ASIC2: variants seen among roughly 807,000 people sequenced by gnomAD.
ASIC2 encodes the protein acid sensing ion channel subunit 2.
Under a neutral mutation model 57.3 loss-of-function variants are expected in ASIC2, and 25 were observed. The observed-to-expected ratio is 0.44, with a 90% confidence interval of 0.32 to 0.61. The LOEUF (loss-of-function observed/expected upper bound fraction) is 0.61, where lower values mean the gene tolerates loss of function less well. ASIC2 is among the 20% of genes least tolerant of loss of function. The pLI, the probability that ASIC2 is intolerant of heterozygous loss-of-function variation, is 0.06. For missense variants in ASIC2, 641 were observed against 738.1 expected (o/e 0.87, Z 1.52); for synonymous variants, 319 against 307.5 (o/e 1.04, Z -0.39).
intron 1 of ASIC2, among the ~76,000 whole-genome samples, chr17:33,541,062 T>C (rs868105883): frequency 1.3e-5 from 2 of 148,316 alleles, no homozygotes; most frequent in East Asian, 3.9e-4. Context: ...GGCATGTTGT[T>C]TTTTTTTCTT....
At chr17:33,527,407 C>G (rs1313806953) in intron 1 of ASIC2, among the ~76,000 whole-genome samples, 1 of 151,962 alleles carries the variant, frequency 6.6e-6, no homozygotes, top group African/African-American at 2.4e-5. Context: ...TTGCTCGAAG[C>G]CTAATCAACT....
At chr17:33,262,975 A>C (rs573348019) in intron 1 of ASIC2, among the ~76,000 whole-genome samples, 1 of 152,278 alleles carries the variant, frequency 6.6e-6, no homozygotes, top group South Asian at 2.1e-4. Context: ...CTAATGCAAA[A>C]AGATGCGAGA....
rs73274998 is a variant in ASIC2 at position 33,568,913 on chromosome 17, T to C, written c.556-456846A>G. 2.6e-3 allele frequency among the ~76,000 whole-genome samples: 402 copies of C among 152,296 alleles called. 5 individuals are homozygous for C. Among genetic ancestry groups the C allele is most frequent in the African/African-American group, 9.4e-3 (392 of 41,570 alleles). On this transcript the variant is annotated intron_variant, in intron 1 of 9. Coordinates refer to the ASIC2 transcript ENST00000359872. ...CAGCCTGTAGGCATAAAATAGTCAA[T>C]GGGAGCTTGATTTATATCACGAAAG...
chr17:33,186,405 CT>C (rs1359847867), intron 1 of ASIC2, among the ~76,000 whole-genome samples: 6 of 152,202 alleles, frequency 3.9e-5, no homozygotes, highest in Non-Finnish European at 7.3e-5. Flanking sequence ...ACCACCACCC[CT>C]GGCCTTATAC....
chr17:33,248,576 GA>G (rs1182969130), intron 1 of ASIC2, among the ~76,000 whole-genome samples: 1 of 152,218 alleles, frequency 6.6e-6, no homozygotes, highest in Non-Finnish European at 1.5e-5. Context: ...CACAGATCCA[GA>G]ATTTGTTTCA....
At chr17:33,331,963 C>G (rs113188777) in intron 1 of ASIC2, among the ~76,000 whole-genome samples, 1 of 152,228 alleles carries the variant, frequency 6.6e-6, no homozygotes, top group African/African-American at 2.4e-5. Context: ...TCATACCCTT[C>G]CCTGGACCAA....
At chr17:33,237,357 T>TC in intron 1 of ASIC2, among the ~76,000 whole-genome samples, 1 of 152,064 alleles carries the variant, frequency 6.6e-6, no homozygotes, top group South Asian at 2.1e-4. Context: ...TAGTAGTTTT[T>TC]TTTTTTTTTT....
chr17:33,640,588 G>T (rs1906530516), intron 1 of ASIC2, among the ~76,000 whole-genome samples: 1 of 152,190 alleles, frequency 6.6e-6, no homozygotes, highest in South Asian at 2.1e-4. Flanking sequence ...CTCAGCAGCT[G>T]CACTTTTAAG....
chr17:33,191,784 A>G (rs1201654450), intron 1 of ASIC2, among the ~76,000 whole-genome samples: 3 of 152,182 alleles, frequency 2.0e-5, no homozygotes, highest in Non-Finnish European at 4.4e-5. Flanking sequence ...GGTAGGAAGG[A>G]GAGACAGACT....
chr17:33,026,102 G>T, intron 4 of ASIC2, 120 bp from the exon 5 acceptor site: 1 of 1,046,950 alleles, frequency 9.6e-7, no homozygotes, highest in Non-Finnish European at 1.4e-6. Context: ...GCAGCGGCCT[G>T]CCAGTGGGCA....
chr17:33,756,700 C>G (rs942883798), intron 1 of ASIC2, among the ~76,000 whole-genome samples: 7 of 71,072 alleles, frequency 9.8e-5, no homozygotes, highest in African/African-American at 2.2e-4. Context: ...CTTAGAGAAC[C>G]TCTTTAAGAA....
intron 1 of ASIC2, among the ~76,000 whole-genome samples, chr17:34,078,460 C>T (rs930802796): frequency 5.9e-5 from 9 of 151,982 alleles, no homozygotes; most frequent in African/African-American, 2.2e-4. Context: ...ACTGCCCAAC[C>T]CACCGCAGAG....
intron 1 of ASIC2, among the ~76,000 whole-genome samples, chr17:33,851,888 T>C (rs1913775207): frequency 6.6e-6 from 1 of 152,234 alleles, no homozygotes. Context: ...GCTCAGTTCA[T>C]AGAGTAATTG....
chr17:33,289,094 T>C (rs1415792000), intron 1 of ASIC2, among the ~76,000 whole-genome samples: 1 of 152,136 alleles, frequency 6.6e-6, no homozygotes, highest in African/African-American at 2.4e-5. Context: ...ACCTACAGCA[T>C]GCAACTTTAA....
chr17:33,866,560 T>C (rs1914243594), intron 1 of ASIC2, among the ~76,000 whole-genome samples: 1 of 152,212 alleles, frequency 6.6e-6, no homozygotes, highest in African/African-American at 2.4e-5. Context: ...AGAGTATATG[T>C]ATTTAAAATG....
chr17:33,178,318 A>AC (rs1905842615), intron 1 of ASIC2, among the ~76,000 whole-genome samples: 2 of 152,204 alleles, frequency 1.3e-5, no homozygotes, highest in Non-Finnish European at 1.5e-5. Flanking sequence ...TACAAAAAAA[A>AC]ATCCCTGGTT....
chr17:33,325,877 T>C (rs1907057759), intron 1 of ASIC2, among the ~76,000 whole-genome samples: 1 of 152,068 alleles, frequency 6.6e-6, no homozygotes, highest in Admixed American at 6.5e-5. Flanking sequence ...GACTGCTAGG[T>C]TTTGGCCAGT....
chr17:33,652,199 T>C (rs1906941580), intron 1 of ASIC2, among the ~76,000 whole-genome samples: 1 of 152,214 alleles, frequency 6.6e-6, no homozygotes, highest in Admixed American at 6.5e-5. Context: ...CAACAGAGGC[T>C]GCTCTCAGCC....
chr17:33,767,102 G>A (rs1019243751), intron 1 of ASIC2, among the ~76,000 whole-genome samples: 2 of 152,216 alleles, frequency 1.3e-5, no homozygotes, highest in African/African-American at 4.8e-5. Context: ...CAGTGCATCT[G>A]CTCTGCTGAC....
Sources: allele counts gnomAD v4.1 joint callset (sites outside exome capture counted in the v4.1 genomes callset), GRCh38; gene constraint gnomAD v4.1.1; transcripts MANE v1.5; gene names NCBI Gene and HGNC (gene_info 2026-07-23, HGNC 2026-07-21).